TMEM132C: variants seen among roughly 807,000 people sequenced by gnomAD.
The protein encoded by TMEM132C is transmembrane protein 132C.
Under a neutral mutation model 61.4 loss-of-function variants are expected in TMEM132C, and 29 were observed. The observed-to-expected ratio is 0.47, with a 90% CI of 0.35 to 0.64. TMEM132C has a LOEUF of 0.64. Among genes scored for constraint, TMEM132C ranks in the 30% least tolerant of loss-of-function variants. The probability of loss-of-function intolerance (pLI) is 0.00; values close to 1 mark genes in which losing one functional copy is unlikely to be tolerated. For synonymous variants in TMEM132C, 656 were observed against 633.1 expected, an observed-to-expected ratio of 1.04 and a Z score of -0.54; for missense variants, 1,408 against 1,476.9, an observed-to-expected ratio of 0.95 and a Z score of 0.76.
chr12:128,413,797 G>T (rs1868654134), intron 1 of TMEM132C, among the ~76,000 whole-genome samples: 1 of 152,008 alleles, frequency 6.6e-6, no homozygotes, highest in Non-Finnish European at 1.5e-5. Flanking sequence ...TTTACTCCCA[G>T]CCTGTTATTT....
intron 5 of TMEM132C, among the ~76,000 whole-genome samples, chr12:128,687,508 G>A (rs1954687053): frequency 6.6e-6 from 1 of 152,146 alleles, no homozygotes; most frequent in South Asian, 2.1e-4. Context: ...TGAAGGACAT[G>A]AAGAACAAAT....
chr12:128,485,871 C>T (rs146276500), intron 2 of TMEM132C, among the ~76,000 whole-genome samples: 1,542 of 152,324 alleles, frequency 0.01, 10 homozygotes, highest in Non-Finnish European at 0.015. Context: ...CCTTTCCCTT[C>T]TTCCTCCTCC....
At position 128,706,221 on chromosome 12, in the gene TMEM132C, G is replaced by T. The variant is rs1192753122; in HGVS notation, c.3253G>T (p.Val1085Leu). The T allele has an allele frequency of 1.3e-6, 2 of 1,551,816 alleles. No homozygotes were observed. The highest frequency in any genetic ancestry group is 1.7e-6 in the Non-Finnish European group (2 of 1,147,030). The change falls in exon 9 of 9, where the codon GTG (valine) becomes TTG (leucine). Residue 1085 changes from valine (V) to leucine (L), a missense_variant. By Grantham distance (32) the Val-to-Leu change is conservative (BLOSUM62 1). Coordinates refer to ENST00000435159, the MANE Select transcript of TMEM132C (RefSeq NM_001136103.3). ...VSSNDEDIKW[V>L]CQDVAVGAPK... ...CAGCAATGATGAGGACATCAAATGG[G>T]TGTGTCAAGACGTGGCTGTGGGTGC...
chr12:128,492,907 G>T (rs531229793), intron 2 of TMEM132C, among the ~76,000 whole-genome samples: 1 of 152,148 alleles, frequency 6.6e-6, no homozygotes, highest in South Asian at 2.1e-4. Context: ...TTGGTGTTTA[G>T]TCATGAAGTC....
chr12:128,605,017 AGATGAATG>A (rs1876369165), intron 3 of TMEM132C, among the ~76,000 whole-genome samples: 1 of 146,482 alleles, frequency 6.8e-6, no homozygotes. Flanking sequence ...CATAGATAAT[AGATGAATG>A]GATGGATGGA....
intron 1 of TMEM132C, among the ~76,000 whole-genome samples, chr12:128,358,977 G>A (rs1771239764): frequency 6.6e-6 from 1 of 152,166 alleles, no homozygotes; most frequent in African/African-American, 2.4e-5. Context: ...CAGAGGCCAT[G>A]CTAGACACTC....
At chr12:128,309,162 T>C (rs1871887191) in intron 1 of TMEM132C, among the ~76,000 whole-genome samples, 1 of 152,038 alleles carries the variant, frequency 6.6e-6, no homozygotes, top group Non-Finnish European at 1.5e-5. Context: ...CAGGGGTGGA[T>C]GGAAAGGAGG....
chr12:128,612,068 G>C (rs1593120048), intron 3 of TMEM132C, among the ~76,000 whole-genome samples: 1 of 152,338 alleles, frequency 6.6e-6, no homozygotes, highest in East Asian at 1.9e-4. Flanking sequence ...CAAAAATAAA[G>C]AGACAAGGGC....
intron 3 of TMEM132C, among the ~76,000 whole-genome samples, chr12:128,577,021 A>G (rs762260532): frequency 1.8e-4 from 27 of 152,136 alleles, no homozygotes; most frequent in Non-Finnish European, 3.7e-4. Flanking sequence ...CCACTGTTTA[A>G]TTCTTAAACA....
At chr12:128,280,031 A>C (rs751978577) in intron 1 of TMEM132C, among the ~76,000 whole-genome samples, 22 of 152,170 alleles carry the variant, frequency 1.4e-4, no homozygotes, top group Non-Finnish European at 2.4e-4. Context: ...TCGGCTTCTC[A>C]TATTATCTGT....
intron 2 of TMEM132C, among the ~76,000 whole-genome samples, chr12:128,465,543 T>C (rs1459448006): frequency 6.6e-6 from 1 of 152,174 alleles, no homozygotes; most frequent in Non-Finnish European, 1.5e-5. Context: ...ATGAGTACAC[T>C]CGACATGCCT....
At chr12:128,338,057 T>A (rs746626956) in intron 1 of TMEM132C, among the ~76,000 whole-genome samples, 2 of 151,098 alleles carry the variant, frequency 1.3e-5, no homozygotes, top group Non-Finnish European at 2.9e-5. Flanking sequence ...TTGAAGTCCT[T>A]GCACTCCGAG....
intron 1 of TMEM132C, among the ~76,000 whole-genome samples, chr12:128,383,728 C>G (rs1874490405): frequency 6.6e-6 from 1 of 152,112 alleles, no homozygotes; most frequent in African/African-American, 2.4e-5. Flanking sequence ...GAGTACTTTC[C>G]CATAAAGACA....
Position 128,697,277 on chromosome 12 carries a change from A to C in TMEM132C, c.1983A>C (p.Leu661=). Reference sequence around the variant, plus strand: ...TGGCAGAGAAGACAATAACCGTGCTAGATGACAAAGTATCGGTGACAGACT... The same window carrying C: ...TGGCAGAGAAGACAATAACCGTGCTCGATGACAAAGTATCGGTGACAGACT... The part of the protein sequence containing the change: ...SILAEKTITV[L]DDKVSVTDLA... The change falls in exon 8 of 9, where the codon CTA becomes CTC. Residue 661 remains leucine (L), a synonymous_variant. Transcript: ENST00000435159. The C allele has an allele frequency of 6.5e-7, 1 of 1,548,524 alleles. No individual in the cohort carries two copies. The highest frequency in any genetic ancestry group is 2.4e-5 in the East Asian group (1 of 40,818).
chr12:128,531,613 A>G (rs944072443), intron 2 of TMEM132C, among the ~76,000 whole-genome samples: 4 of 152,252 alleles, frequency 2.6e-5, no homozygotes, highest in Non-Finnish European at 5.9e-5. Flanking sequence ...ACCTGCTCAC[A>G]TGCATGCACA....
intron 2 of TMEM132C, among the ~76,000 whole-genome samples, chr12:128,529,816 A>G (rs1014409012): frequency 6.6e-6 from 1 of 152,124 alleles, no homozygotes; most frequent in African/African-American, 2.4e-5. Context: ...GAGATAGAAG[A>G]ATATAACCAA....
chr12:128,383,621 C>T (rs186365540), intron 1 of TMEM132C, among the ~76,000 whole-genome samples: 92 of 152,300 alleles, frequency 6.0e-4, no homozygotes, highest in African/African-American at 1.9e-3. Flanking sequence ...TCTCTCCGCC[C>T]CCAGGGGGTT....
chr12:128,346,328 G>A (rs141032567), intron 1 of TMEM132C, among the ~76,000 whole-genome samples: 19 of 152,140 alleles, frequency 1.2e-4, no homozygotes, highest in Non-Finnish European at 1.8e-4. Flanking sequence ...CTTTGAAGTC[G>A]GGTAATGGTG....
rs534367545 is a variant in TMEM132C, at chr12:128,327,139, CCT to C, written c.85+59653_85+59654del. ...AGTGATTTTAATGGGGCAGGCAGCC[CCT>C]GTCTTCCTCATTAGCAGATTGCTTA... On this transcript the variant is annotated intron_variant, in intron 1 of 8. Transcript: ENST00000435159. Among the ~76,000 whole-genome samples the C allele has an allele frequency of 1.1e-3, 160 of 149,990 alleles. 12 individuals carry two copies. Among genetic ancestry groups the C allele is most frequent in the African/African-American group, 3.9e-3 (153 of 39,368 alleles).
Sources: allele counts gnomAD v4.1 joint callset (sites outside exome capture counted in the v4.1 genomes callset), GRCh38; gene constraint gnomAD v4.1.1; transcripts MANE v1.5; gene names NCBI Gene and HGNC (gene_info 2026-07-23, HGNC 2026-07-21).